Variants in THBS2 observed in about 807,000 individuals in gnomAD.
THBS2 encodes the protein thrombospondin 2.
THBS2 carries 47 observed loss-of-function variants against 135.2 expected under a neutral mutation model. The ratio of observed to expected loss-of-function variants is 0.35; its 90% CI spans 0.28 to 0.44. The LOEUF is 0.44. Ranked by LOEUF, THBS2 falls within the 20% of genes least tolerant of loss-of-function variation. The pLI is 1.00. For missense variants in THBS2, 1,288 were observed against 1,603.1 expected (o/e 0.80, Z 3.36); for synonymous variants, 639 against 633.8 (o/e 1.01, Z -0.12).
chr6:169,226,442 T>C, intron 15 of THBS2, 144 bp from the exon 16 acceptor site: 2 of 570,042 alleles, frequency 3.5e-6, no homozygotes, highest in Non-Finnish European at 6.2e-6. Flanking sequence ...CCTAAGAATA[T>C]AGTAAAATAT....
At position 169,252,463 on chromosome 6, in the gene THBS2, T is replaced by C. The variant is rs1352727894; in HGVS notation, c.-23+1261A>G. Among the ~76,000 whole-genome samples the C allele has an allele frequency of 6.6e-6, 1 of 152,088 alleles. No individual in the cohort carries two copies. Among genetic ancestry groups the C allele is most frequent in the Non-Finnish European group, 1.5e-5 (1 of 68,004 alleles). ...CTGCAGAGGCCAGCCAAGAACAGGA[T>C]GGTAAATGCGAAAGTTCTGGATGCC... On this transcript the variant is annotated intron_variant, in intron 1 of 21. Coordinates refer to ENST00000617924, the MANE Select transcript of THBS2 (RefSeq NM_003247.5). This position sits in a 1 kb window ranked among gnomAD's most constrained non-coding sequence, Gnocchi z 4.3.
intron 21 of THBS2, 111 bp downstream of exon 21, chr6:169,220,087 G>A: frequency 7.3e-7 from 1 of 1,368,126 alleles, no homozygotes; most frequent in Non-Finnish European, 1.0e-6. Flanking sequence ...TTGTGCATTA[G>A]GTTTATTGCC....
intron 21 of THBS2, among the ~76,000 whole-genome samples, chr6:169,219,041 G>A (rs1034457364): frequency 8.6e-5 from 13 of 150,404 alleles, no homozygotes; most frequent in South Asian, 8.6e-4. Context: ...GGATGAGTAG[G>A]TGGGTGGATG....
Position 169,241,918 on chromosome 6 carries a change from G to A in THBS2, c.735C>T (p.Arg245=), listed in dbSNP as rs755284936. Residue 245 remains arginine (R), a synonymous_variant, in exon 5 of 22, where the codon CGC becomes CGT. Transcript: ENST00000617924. This position sits in a 1 kb window ranked among gnomAD's most constrained non-coding sequence, Gnocchi z 5.5. ...ACTCGGTGGTGACATGCGGACCCAG[G>A]CGCAGCGTCTCTGTGTTCTCACTGA... is the stretch of plus-strand genomic sequence containing the variant. ...NAISENTETL[R]LGPHVTTEYV... 2 of 1,611,656 alleles carry A rather than the reference G, an allele frequency of 1.2e-6. No homozygotes were observed. The highest frequency in any genetic ancestry group is 1.7e-6 in the Non-Finnish European group (2 of 1,179,834).
chr6:169,240,704 G>A, intron 5 of THBS2, 112 bp from the exon 6 acceptor site: 1 of 1,366,806 alleles, frequency 7.3e-7, no homozygotes, highest in Non-Finnish European at 9.9e-7. Context: ...CTAAAGTCAA[G>A]TAAGACTTGA....
rs1779893744 is a variant in THBS2 at position 169,232,792 on chromosome 6, A to C, written c.1804T>G (p.Phe602Val). 1.2e-6 allele frequency: 2 copies of C among 1,613,732 alleles called. No homozygotes were observed. Among genetic ancestry groups the C allele is most frequent in the Admixed American group, 1.7e-5 (1 of 59,970 alleles). ...DECALVPDICFSTSKVPRCVN... is the reference protein window; with the variant it reads ...DECALVPDICVSTSKVPRCVN... ...CAGCGAGGCACCTTGCTGGTGGAGA[A>C]GCAGATGTCGGGGACCAGGGCACAC... The change falls in exon 12 of 22, where the codon TTC (phenylalanine) becomes GTC (valine). Residue 602 changes from phenylalanine to valine, a missense_variant. Physicochemically the swap from Phe to Val is conservative, Grantham distance 50 (BLOSUM62 -1). Transcript: ENST00000617924.
intron 3 of THBS2, among the ~76,000 whole-genome samples, 152 bp downstream of exon 3, chr6:169,248,263 ACG>A (rs1375924084): frequency 1.3e-5 from 2 of 152,088 alleles, no homozygotes; most frequent in Admixed American, 6.5e-5. Context: ...TGGTGTGTGC[ACG>A]CATGTGTGTG....
chr6:169,218,691 GGGAT>G (rs1316000976), intron 21 of THBS2, among the ~76,000 whole-genome samples: 3 of 130,404 alleles, frequency 2.3e-5, no homozygotes, highest in African/African-American at 5.8e-5. Context: ...ATGGATGGAT[GGGAT>G]GGATGGATGG....
intron 3 of THBS2, among the ~76,000 whole-genome samples, chr6:169,246,859 C>T (rs189524833): frequency 6.6e-6 from 1 of 152,234 alleles, no homozygotes; most frequent in African/African-American, 2.4e-5. Context: ...TAACCATGTA[C>T]TTATTTCCAA....
intron 4 of THBS2, among the ~76,000 whole-genome samples, chr6:169,242,791 A>G (rs374423576): frequency 1.6e-3 from 22 of 13,824 alleles, no homozygotes; most frequent in African/African-American, 2.6e-3. Flanking sequence ...CCTTCCCACC[A>G]CTCCCACCTT....
intron 4 of THBS2, among the ~76,000 whole-genome samples, chr6:169,243,060 A>ACATTC (rs1562363456): frequency 1.9e-4 from 2 of 10,312 alleles, no homozygotes; most frequent in African/African-American, 1.1e-3. Flanking sequence ...CCACCTTCCC[A>ACATTC]CCACTCCCAC....
intron 15 of THBS2, among the ~76,000 whole-genome samples, chr6:169,227,918 C>T (rs1267520995): frequency 6.6e-6 from 1 of 152,122 alleles, no homozygotes; most frequent in African/African-American, 2.4e-5. Context: ...CTCGTCTCTA[C>T]TTAAAATACA....
At chr6:169,225,910 A>C (rs1319147842) in intron 16 of THBS2, among the ~76,000 whole-genome samples, 1 of 152,250 alleles carries the variant, frequency 6.6e-6, no homozygotes, top group African/African-American at 2.4e-5. Flanking sequence ...CTGAGATACA[A>C]GAATAGTGCT....
chr6:169,237,620 C>T lies in THBS2; in HGVS notation c.1300+5G>A. ...GCACGCGGGTGTCACCTGCCCGACACTCACTGCGGGTGTCACACTTGCTCA... is the reference window on the plus strand; with the variant it reads ...GCACGCGGGTGTCACCTGCCCGACATTCACTGCGGGTGTCACACTTGCTCA... On this transcript the variant is annotated splice_donor_5th_base_variant and intron_variant, in intron 8 of 21. Coordinates refer to ENST00000617924, the MANE Select transcript of THBS2 (RefSeq NM_003247.5). 6.2e-7 allele frequency: 1 copy of T among 1,612,148 alleles called. No homozygotes were observed. Among genetic ancestry groups the T allele is most frequent in the Non-Finnish European group, 8.5e-7 (1 of 1,179,918 alleles).
At chr6:169,229,131 TA>T (rs1317910634) in intron 14 of THBS2, among the ~76,000 whole-genome samples, 2 of 152,182 alleles carry the variant, frequency 1.3e-5, no homozygotes, top group Non-Finnish European at 2.9e-5. Flanking sequence ...AAGCAGTGAG[TA>T]AAATCTTGAT....
chr6:169,227,820 G>A (rs1041269393), intron 15 of THBS2, among the ~76,000 whole-genome samples: 2 of 152,018 alleles, frequency 1.3e-5, no homozygotes, highest in African/African-American at 4.8e-5. Context: ...GGTGGCTCAC[G>A]CCTGTAATCC....
At chr6:169,219,758 A>G (rs770221697) in intron 21 of THBS2, 1 of 517,876 alleles carries the variant, frequency 1.9e-6, no homozygotes, top group South Asian at 1.4e-5. Context: ...ATGGAATTCA[A>G]GTTATCTTCC....
Position 169,232,956 on chromosome 6 carries a change from G to A in THBS2, c.1713C>T (p.Ser571=). The change falls in exon 11 of 22, where the codon TCC becomes TCT. Residue 571 remains serine (S), a synonymous_variant. Coordinates refer to ENST00000617924, the MANE Select transcript of THBS2 (RefSeq NM_003247.5). ...GAQCSSFPDG[S]WSCGSCPVGF... ...CCACAGGGCAGGAGCCGCATGACCA[G>A]GACCCATCGGGGAAGCTGCTGCACT... is the stretch of plus-strand genomic sequence containing the variant. 6.4e-7 allele frequency: 1 copy of A among 1,562,388 alleles called. No individual in the cohort carries two copies. The highest frequency in any genetic ancestry group is 8.7e-7 in the Non-Finnish European group (1 of 1,154,822).
chr6:169,219,370 G>A (rs1455685417), intron 21 of THBS2, among the ~76,000 whole-genome samples: 2 of 136,932 alleles, frequency 1.5e-5, no homozygotes, highest in African/African-American at 5.7e-5. Flanking sequence ...GTGAATGGAT[G>A]AGATGGGTGG....
Sources: allele counts gnomAD v4.1 joint callset (sites outside exome capture counted in the v4.1 genomes callset), GRCh38; gene constraint gnomAD v4.1.1; non-coding constraint Gnocchi (gnomAD v3.1); transcripts MANE v1.5; gene names NCBI Gene and HGNC (gene_info 2026-07-23, HGNC 2026-07-21).